Variants in EPHB1 observed in about 807,000 individuals in gnomAD.
The protein encoded by EPHB1 is EPH receptor B1.
EPHB1 carries 30 observed loss-of-function variants against 94.4 expected under a neutral mutation model. The ratio of observed to expected loss-of-function variants is 0.32; its 90% CI spans 0.24 to 0.43. EPHB1 has a LOEUF of 0.43. EPHB1 is among the 20% of genes least tolerant of loss of function. EPHB1 has a pLI of 1.00. For synonymous variants in EPHB1, 522 were observed against 489.1 expected (o/e 1.07, Z -0.89); for missense variants, 1,055 against 1,308.3 (o/e 0.81, Z 2.99).
intron 12 of EPHB1, among the ~76,000 whole-genome samples, chr3:135,211,813 CT>C (rs2107716461): frequency 6.6e-6 from 1 of 152,254 alleles, no homozygotes; most frequent in Non-Finnish European, 1.5e-5. Flanking sequence ...CCTGAGCATA[CT>C]TTTTTCCCCA....
chr3:135,016,970 A>T (rs73214201), intron 3 of EPHB1, among the ~76,000 whole-genome samples: 1 of 152,122 alleles, frequency 6.6e-6, no homozygotes, highest in African/African-American at 2.4e-5. Flanking sequence ...ATCTCCAGGC[A>T]TCCCTGAAGC....
intron 4 of EPHB1, among the ~76,000 whole-genome samples, chr3:135,117,810 C>CAG (rs1421868568): frequency 2.0e-5 from 3 of 152,238 alleles, no homozygotes; most frequent in African/African-American, 7.2e-5. Context: ...TTTGCCTTTC[C>CAG]AGGCTTACCT....
At chr3:135,148,935 C>T (rs1403908738) in intron 5 of EPHB1, among the ~76,000 whole-genome samples, 1 of 152,222 alleles carries the variant, frequency 6.6e-6, no homozygotes, top group Admixed American at 6.5e-5. Context: ...CACTCTCATT[C>T]TGATTCTGTT....
intron 1 of EPHB1, 47 bp downstream of exon 1, chr3:134,795,736 T>G (rs768182910): frequency 6.3e-7 from 1 of 1,589,754 alleles, no homozygotes. Flanking sequence ...GCCGGCCGCC[T>G]TGGGACTGCT....
chr3:134,893,638 G>T (rs767693598), intron 1 of EPHB1, among the ~76,000 whole-genome samples: 2 of 152,142 alleles, frequency 1.3e-5, no homozygotes, highest in Non-Finnish European at 2.9e-5. Context: ...CCATCATCAG[G>T]CTCCTTCTGC....
At chr3:134,823,135 G>A (rs1456643379) in intron 1 of EPHB1, among the ~76,000 whole-genome samples, 3 of 152,190 alleles carry the variant, frequency 2.0e-5, no homozygotes, top group African/African-American at 7.2e-5. Flanking sequence ...TGGGCCTGAG[G>A]CCTCTCAGAT....
At chr3:135,239,576 A>G (rs4626121) in intron 12 of EPHB1, among the ~76,000 whole-genome samples, 35,020 of 152,108 alleles carry the variant, frequency 0.23, 4,210 homozygotes, top group East Asian at 0.32. Context: ...GGCATTTGGC[A>G]TGAAAAACTG....
intron 1 of EPHB1, among the ~76,000 whole-genome samples, chr3:134,889,613 A>G (rs1237124591): frequency 2.0e-5 from 3 of 152,068 alleles, no homozygotes. Flanking sequence ...AATATCTGCT[A>G]AGACTATTTG....
chr3:135,092,728 C>A (rs939423267), intron 3 of EPHB1, among the ~76,000 whole-genome samples: 2 of 151,992 alleles, frequency 1.3e-5, no homozygotes, highest in Non-Finnish European at 2.9e-5. Flanking sequence ...CAGGTTCAAG[C>A]GATTCTCCTG....
chr3:134,946,383 G>T (rs888545737), intron 2 of EPHB1, among the ~76,000 whole-genome samples: 1 of 152,098 alleles, frequency 6.6e-6, no homozygotes, highest in Non-Finnish European at 1.5e-5. Context: ...GCTTCTTATG[G>T]CTGTCTGTCA....
chr3:134,883,916 T>C (rs1228836100), intron 1 of EPHB1, among the ~76,000 whole-genome samples: 4 of 152,216 alleles, frequency 2.6e-5, no homozygotes. Context: ...ACTTCATGCA[T>C]CATCTCATCA....
rs758204492 is a variant in EPHB1 at position 135,248,412 on chromosome 3, C to T, written c.2593C>T (p.Arg865Trp). The T allele has an allele frequency of 6.8e-6, 11 of 1,613,660 alleles. No homozygotes were observed. Among genetic ancestry groups the T allele is most frequent in the South Asian group, 2.2e-5 (2 of 91,010 alleles). The change falls in exon 14 of 16, where the codon CGG becomes TGG. Residue 865 changes from arginine (R) to tryptophan (W), a missense_variant. Coordinates refer to ENST00000398015, the MANE Select transcript of EPHB1 (RefSeq NM_004441.5). ...QLMLDCWQKDRNSRPRFAEIV... is the reference protein window; with the variant it reads ...QLMLDCWQKDWNSRPRFAEIV... ...CATGCTGGACTGTTGGCAGAAGGACCGGAACAGCCGGCCCCGGTTTGCGGA... is the reference window on the plus strand; with the variant it reads ...CATGCTGGACTGTTGGCAGAAGGACTGGAACAGCCGGCCCCGGTTTGCGGA...
intron 6 of EPHB1, among the ~76,000 whole-genome samples, chr3:135,156,968 T>C (rs944262917): frequency 6.6e-6 from 1 of 152,178 alleles, no homozygotes; most frequent in Non-Finnish European, 1.5e-5. Flanking sequence ...TAACACCTCA[T>C]CTCAGAAAAA....
intron 9 of EPHB1, among the ~76,000 whole-genome samples, chr3:135,177,099 A>G (rs1303448022): frequency 6.6e-6 from 1 of 152,086 alleles, no homozygotes; most frequent in African/African-American, 2.4e-5. Context: ...GTCGTCAGCA[A>G]TATGTTCTTT....
intron 3 of EPHB1, among the ~76,000 whole-genome samples, chr3:134,956,651 T>C (rs1462949165): frequency 6.6e-6 from 1 of 152,142 alleles, no homozygotes; most frequent in Admixed American, 6.5e-5. Context: ...GCTGCAAACT[T>C]GCTACGTGGT....
At chr3:134,908,722 C>T (rs926450861) in intron 1 of EPHB1, among the ~76,000 whole-genome samples, 7 of 151,254 alleles carry the variant, frequency 4.6e-5, no homozygotes, top group Non-Finnish European at 7.4e-5. Flanking sequence ...AGGGAGAAGG[C>T]GTGAGGAGGG....
intron 3 of EPHB1, among the ~76,000 whole-genome samples, chr3:135,022,266 G>A (rs1024109150): frequency 2.3e-4 from 35 of 152,210 alleles, no homozygotes; most frequent in African/African-American, 5.5e-4. Flanking sequence ...CACCGCGCCC[G>A]GCCTGTTGTG....
Position 135,167,924 on chromosome 3 carries a change from T to C in EPHB1, c.1759+918T>C, listed in dbSNP as rs987029108. Among the ~76,000 whole-genome samples, 4 of 152,122 alleles carry C rather than the reference T, an allele frequency of 2.6e-5. No individual in the cohort carries two copies. The South Asian group carries it at 8.3e-4, about 32-fold the overall frequency. On this transcript the variant is annotated intron_variant, in intron 9 of 15. Coordinates refer to ENST00000398015, the MANE Select transcript of EPHB1 (RefSeq NM_004441.5). ...TAGCATGGAAAACAGACCTCCCAGG[T>C]ACCTACACACCAAACCTGTCTCCAC...
At chr3:135,114,781 C>A (rs980087805) in intron 4 of EPHB1, among the ~76,000 whole-genome samples, 1 of 137,162 alleles carries the variant, frequency 7.3e-6, no homozygotes, top group Non-Finnish European at 1.6e-5. Flanking sequence ...CAATATTTGG[C>A]ATACAGGAAT....
Sources: gnomAD v4.1 joint callset for allele counts (sites outside exome capture counted in the v4.1 genomes callset) on GRCh38, gnomAD v4.1.1 for gene constraint, MANE v1.5 for transcripts, NCBI Gene and HGNC (gene_info 2026-07-23, HGNC 2026-07-21) for gene names.